SPATS2L: variants seen among roughly 807,000 people sequenced by gnomAD.
SPATS2L encodes SPATS2-like protein.
Under a neutral mutation model 59.6 loss-of-function variants are expected in SPATS2L, and 30 were observed. The observed-to-expected ratio is 0.50, with a 90% CI of 0.38 to 0.68. SPATS2L has a LOEUF of 0.68. Ranked by LOEUF, SPATS2L falls within the 30% of genes least tolerant of loss-of-function variation. The pLI is 0.00. For missense variants in SPATS2L, 615 were observed against 700.0 expected (o/e 0.88, Z 1.37); for synonymous variants, 252 against 263.5 (o/e 0.96, Z 0.42).
intron 10 of SPATS2L, among the ~76,000 whole-genome samples, chr2:200,469,124 C>T (rs1226340159): frequency 1.3e-5 from 2 of 152,236 alleles, no homozygotes; most frequent in Non-Finnish European, 2.9e-5. Context: ...ATGAGATTAT[C>T]TGCTAAGAAT....
In SPATS2L at chr2:200,477,764, A is replaced by G. The variant is rs11900218; in HGVS notation, c.1410A>G (p.Glu470=). 7.2e-4 allele frequency: 1,137 copies of G among 1,581,982 alleles called. 7 individuals carry two copies. In the African/African-American group the frequency reaches 0.013, roughly 18 times the overall value. Residue 470 remains glutamate (E), a synonymous_variant, in exon 13 of 13, where the codon GAA becomes GAG. Transcript: ENST00000409140. ...EPLGKGNSRH[E]HRRQPHNGFR... ...TGGGAAAGGGCAACAGCCGCCACGAACACAGAAGACAGCCGCACAACGGCT... is the reference window on the plus strand; with the variant it reads ...TGGGAAAGGGCAACAGCCGCCACGAGCACAGAAGACAGCCGCACAACGGCT...
intron 1 of SPATS2L, among the ~76,000 whole-genome samples, chr2:200,311,452 C>T (rs1238472311): frequency 6.6e-6 from 1 of 151,556 alleles, no homozygotes; most frequent in Non-Finnish European, 1.5e-5. Context: ...CAGTACTGAG[C>T]AAAAAAAGCA....
chr2:200,400,825 T>C (rs963756089), intron 3 of SPATS2L, among the ~76,000 whole-genome samples: 1 of 152,234 alleles, frequency 6.6e-6, no homozygotes, highest in Non-Finnish European at 1.5e-5. Flanking sequence ...TTGCTTTTTT[T>C]CCAAATGTTC....
intron 1 of SPATS2L, among the ~76,000 whole-genome samples, chr2:200,317,002 A>AT (rs763215801): frequency 2.0e-5 from 3 of 152,282 alleles, no homozygotes; most frequent in Non-Finnish European, 4.4e-5. Context: ...ATTTTCTTAA[A>AT]TTATGGTGCA....
intron 2 of SPATS2L, among the ~76,000 whole-genome samples, chr2:200,348,337 G>A (rs752307986): frequency 2.0e-5 from 3 of 152,184 alleles, no homozygotes; most frequent in Non-Finnish European, 4.4e-5. Flanking sequence ...GGTAAACAAC[G>A]AGACAGATGA....
intron 2 of SPATS2L, chr2:200,384,131 C>A: frequency 2.6e-6 from 1 of 378,010 alleles, no homozygotes; most frequent in Non-Finnish European, 3.8e-6. Context: ...TGAATTATAT[C>A]AATTGGAAAT....
intron 8 of SPATS2L, among the ~76,000 whole-genome samples, chr2:200,458,728 A>G (rs1309793312): frequency 8.4e-6 from 1 of 119,298 alleles, no homozygotes; most frequent in Non-Finnish European, 2.0e-5. Context: ...GTTTTAACAC[A>G]CTGTTAAAAA....
chr2:200,354,786 A>G (rs2080857807), intron 2 of SPATS2L, among the ~76,000 whole-genome samples: 1 of 152,118 alleles, frequency 6.6e-6, no homozygotes, highest in Non-Finnish European at 1.5e-5. Context: ...CTGTCTGTAG[A>G]TGTATTTTAA....
intron 2 of SPATS2L, among the ~76,000 whole-genome samples, chr2:200,334,812 C>A (rs1574424846): frequency 6.6e-6 from 1 of 152,178 alleles, no homozygotes; most frequent in East Asian, 1.9e-4. Context: ...TGTCAACGAT[C>A]AGATAGTTGT....
chr2:200,423,112 T>C (rs2083384708), intron 6 of SPATS2L, among the ~76,000 whole-genome samples: 1 of 152,214 alleles, frequency 6.6e-6, no homozygotes, highest in Non-Finnish European at 1.5e-5. Context: ...ATCACATTAC[T>C]CAGAACAGTA....
At chr2:200,470,058 C>A in intron 11 of SPATS2L, 42 bp downstream of exon 11, 1 of 1,501,552 alleles carries the variant, frequency 6.7e-7, no homozygotes. Context: ...TGTGAGTAAC[C>A]TTGGTGCTAT....
chr2:200,306,582 G>A, upstream of SPATS2L: 2 of 1,001,574 alleles, frequency 2.0e-6, no homozygotes, highest in Non-Finnish European at 2.4e-6. Flanking sequence ...GAGGGGCGCC[G>A]GCTGGGGTGT....
intron 2 of SPATS2L, among the ~76,000 whole-genome samples, chr2:200,332,352 C>T (rs2079973872): frequency 6.6e-6 from 1 of 152,164 alleles, no homozygotes; most frequent in Admixed American, 6.5e-5. Context: ...TAACACAGTT[C>T]TCTTGCCTAA....
intron 5 of SPATS2L, among the ~76,000 whole-genome samples, chr2:200,417,853 C>G (rs937781387): frequency 6.6e-6 from 1 of 152,218 alleles, no homozygotes; most frequent in Non-Finnish European, 1.5e-5. Flanking sequence ...CTGGCACGCA[C>G]TCATTCAGCA....
At chr2:200,399,993 A>G (rs1041244925) in intron 3 of SPATS2L, among the ~76,000 whole-genome samples, 12 of 152,230 alleles carry the variant, frequency 7.9e-5, no homozygotes, top group African/African-American at 2.9e-4. Flanking sequence ...GTGAATGTCA[A>G]TAATTACCAT....
chr2:200,383,878 T>C (rs1299496305), intron 2 of SPATS2L: 1 of 1,000,956 alleles, frequency 1.0e-6, no homozygotes, highest in African/African-American at 1.7e-5. Context: ...TCAAGCAAAG[T>C]GATGTAATAC....
intron 2 of SPATS2L, among the ~76,000 whole-genome samples, chr2:200,356,925 C>T (rs1164828998): frequency 6.6e-6 from 1 of 152,170 alleles, no homozygotes; most frequent in Non-Finnish European, 1.5e-5. Flanking sequence ...CTAACCCACT[C>T]CTGCAATAAG....
chr2:200,458,056 T>C (rs1353154097), intron 8 of SPATS2L, among the ~76,000 whole-genome samples: 1 of 152,198 alleles, frequency 6.6e-6, no homozygotes, highest in Non-Finnish European at 1.5e-5. Context: ...AAAAATCTTC[T>C]TGATTACCTT....
chr2:200,410,763 A>G (rs1402931791), intron 3 of SPATS2L, among the ~76,000 whole-genome samples: 1 of 152,134 alleles, frequency 6.6e-6, no homozygotes, highest in Non-Finnish European at 1.5e-5. Context: ...GTATAAGCAT[A>G]TATTTGTGCA....
Sources: allele counts gnomAD v4.1 joint callset (sites outside exome capture counted in the v4.1 genomes callset), GRCh38; gene constraint gnomAD v4.1.1; transcripts MANE v1.5; gene names NCBI Gene and HGNC (gene_info 2026-07-23, HGNC 2026-07-21).